The following CDC37 variants were observed in gnomAD, a reference collection of about 807,000 sequenced individuals.
CDC37 encodes the protein hsp90 co-chaperone Cdc37.
Under a neutral mutation model 46.9 loss-of-function variants are expected in CDC37, and 9 were observed. That is an observed-to-expected ratio of 0.19 (90% CI 0.12 to 0.33). CDC37 has a LOEUF of 0.33. Among genes scored for constraint, CDC37 ranks in the 10% least tolerant of loss-of-function variants. The pLI is 1.00. For missense variants in CDC37, 388 were observed against 514.6 expected, an observed-to-expected ratio of 0.75 and a Z score of 2.38; for synonymous variants, 193 against 191.0, an observed-to-expected ratio of 1.01 and a Z score of -0.09.
intron 1 of CDC37, among the ~76,000 whole-genome samples, chr19:10,399,931 T>TA (rs56162717): frequency 0.011 from 544 of 48,282 alleles, 19 homozygotes; most frequent in Middle Eastern, 0.014. Flanking sequence ...GACTCCGTCT[T>TA]AAAAAAAAAA....
chr19:10,391,435 C>A lies in CDC37; in HGVS notation c.*116G>T. Reference sequence around the variant, plus strand: ...GGGAGGGCTGGGCGGGCCCCCCAGGCTGGGCCGAGCAGCGCAAGTAGAGGA... The same window carrying A: ...GGGAGGGCTGGGCGGGCCCCCCAGGATGGGCCGAGCAGCGCAAGTAGAGGA... On this transcript the variant is annotated 3_prime_UTR_variant, in exon 8 of 8. Coordinates refer to ENST00000222005, the MANE Select transcript of CDC37 (RefSeq NM_007065.4). The A allele has an allele frequency of 3.0e-6, 4 of 1,327,300 alleles. No homozygotes were observed. The highest frequency in any genetic ancestry group is 3.2e-6 in the Non-Finnish European group (3 of 927,970). The allele number at this position is 1,327,300 out of a possible 1,614,324, so 82.2% of individuals were successfully genotyped here.
At chr19:10,391,746 C>T in intron 7 of CDC37, 40 bp from the exon 8 acceptor site, 1 of 1,601,888 alleles carries the variant, frequency 6.2e-7, no homozygotes, top group Non-Finnish European at 8.5e-7. Context: ...GGGCCGCCAG[C>T]CGGTGGTCCC....
rs938946002 is a variant in CDC37, at chr19:10,398,072, G to T, written c.103-1869C>A. On this transcript the variant is annotated intron_variant, in intron 1 of 7. Transcript: ENST00000222005. The surrounding 1 kb of genome is among the most constrained non-coding windows in gnomAD (Gnocchi z 4.2). ...ATCAAACCCTGAAACCCTGAAACGT[G>T]CCACCACCTTCAATTGCTGACCCTC... Among the ~76,000 whole-genome samples the T allele has an allele frequency of 2.0e-5, 3 of 152,070 alleles. No individual in the cohort carries two copies. The highest frequency in any genetic ancestry group is 7.2e-5 in the African/African-American group (3 of 41,406).
chr19:10,400,847 A>T (rs1019159940), intron 1 of CDC37, among the ~76,000 whole-genome samples: 1 of 151,410 alleles, frequency 6.6e-6, no homozygotes, highest in Non-Finnish European at 1.5e-5. Context: ...TTTTTTTTTA[A>T]CCATGAACAG....
In CDC37 at chr19:10,395,228, C is replaced by A. The variant is rs375165732; in HGVS notation, c.603G>T (p.Glu201Asp). The change falls in exon 4 of 8, where the codon GAG becomes GAT. Residue 201 changes from glutamate (E) to aspartate (D), a missense_variant and splice_region_variant. Around this residue, in one of 2 missense-constraint regions of CDC37, gnomAD observed 374 missense variants for 467.4 expected, o/e 0.80. Coordinates refer to ENST00000222005, the MANE Select transcript of CDC37 (RefSeq NM_007065.4). Reference sequence around the variant, plus strand: ...CAGTCCCGGGGAAAGCTCCACTCACCTCCTCCACCTCTAGGTCAATGCACC... The same window carrying A: ...CAGTCCCGGGGAAAGCTCCACTCACATCCTCCACCTCTAGGTCAATGCACC... ...VIWCIDLEVEEKCALMEQVAH... is the reference protein window; with the variant it reads ...VIWCIDLEVEDKCALMEQVAH... The A allele has an allele frequency of 6.2e-6, 10 of 1,613,968 alleles. No homozygotes were observed. The African/African-American group carries it at 1.1e-4, about 17-fold the overall frequency.
chr19:10,403,264 A>C (rs2042529717), intron 1 of CDC37, 114 bp downstream of exon 1: 3 of 760,108 alleles, frequency 3.9e-6, no homozygotes, highest in Non-Finnish European at 6.6e-6. Flanking sequence ...GAAAATCCAG[A>C]CTGGGGGGGT....
intron 1 of CDC37, 59 bp downstream of exon 1, chr19:10,403,319 G>T: frequency 2.3e-6 from 3 of 1,300,284 alleles, no homozygotes; most frequent in African/African-American, 1.4e-5. Context: ...CAGTATCGGG[G>T]ATCACAACTC....
In CDC37 at chr19:10,396,132, C is replaced by G; in HGVS notation, c.174G>C (p.Lys58Asn). The change falls in exon 2 of 8, where the codon AAG (lysine) becomes AAC (asparagine). Residue 58 changes from lysine (K) to asparagine (N), a missense_variant. By Grantham distance (94) the Lys-to-Asn change is moderately conservative. This residue lies in a region of CDC37 where 374 missense variants were observed against 467.4 expected (regional missense o/e 0.80). Coordinates refer to ENST00000222005, the MANE Select transcript of CDC37 (RefSeq NM_007065.4). This position sits in a 1 kb window ranked among gnomAD's most constrained non-coding sequence, Gnocchi z 5.9. Reference protein sequence around the residue: ...EELDRGCRECKRKVAECQRKL... With the variant: ...EELDRGCRECNRKVAECQRKL... The stretch of plus-strand genomic sequence containing the variant: ...TCCTCTGGCACTCGGCCACCTTGCG[C>G]TTGCACTCGCGGCAGCCCCTGTCCA... 7 of 1,614,132 alleles carry G rather than the reference C, an allele frequency of 4.3e-6. No homozygotes were observed. Among genetic ancestry groups the G allele is most frequent in the Non-Finnish European group, 5.9e-6 (7 of 1,180,010 alleles).
rs2042502469 is a variant in CDC37, at chr19:10,398,393, T to C, written c.103-2190A>G. ...CCCTGCCTGAGGCACCACTGATCCC[T>C]AAAGGACCTCCTGTGACCATCTGAC... On this transcript the variant is annotated intron_variant, in intron 1 of 7. Coordinates refer to ENST00000222005, the MANE Select transcript of CDC37 (RefSeq NM_007065.4). The surrounding 1 kb of genome is among the most constrained non-coding windows in gnomAD (Gnocchi z 4.2). Among the ~76,000 whole-genome samples, 1 of 152,204 alleles carries C rather than the reference T, an allele frequency of 6.6e-6. No homozygotes were observed. The highest frequency in any genetic ancestry group is 2.4e-5 in the African/African-American group (1 of 41,456).
At chr19:10,395,385 C>G (rs931156064) in intron 3 of CDC37, 42 bp from the exon 4 acceptor site, 14 of 1,603,346 alleles carry the variant, frequency 8.7e-6, no homozygotes, top group Non-Finnish European at 1.2e-5. Flanking sequence ...GCCCTGGAGG[C>G]AAAGGGCCTG....
At chr19:10,402,533 C>T (rs1315289126) in intron 1 of CDC37, among the ~76,000 whole-genome samples, 3 of 152,108 alleles carry the variant, frequency 2.0e-5, no homozygotes, top group South Asian at 2.1e-4. Flanking sequence ...TACAGGAAGC[C>T]AGTCTGGGAA....
chr19:10,398,947 A>G lies in CDC37; in HGVS notation c.103-2744T>C, dbSNP rs2042504707. 6.6e-6 allele frequency among the ~76,000 whole-genome samples: 1 copy of G among 152,088 alleles called. No individual in the cohort carries two copies. Among genetic ancestry groups the G allele is most frequent in the African/African-American group, 2.4e-5 (1 of 41,422 alleles). ...CCGTGAGAACTGAATGACTAACTCT[A>G]TGGAAAATGCTTCCAAAACAGCCCT... is the stretch of plus-strand genomic sequence containing the variant. On this transcript the variant is annotated intron_variant, in intron 1 of 7. Coordinates refer to ENST00000222005, the MANE Select transcript of CDC37 (RefSeq NM_007065.4). The surrounding 1 kb of genome is among the most constrained non-coding windows in gnomAD (Gnocchi z 4.2).
chr19:10,395,576 G>A (rs774998656), intron 2 of CDC37, 33 bp from the exon 3 acceptor site: 3 of 1,544,860 alleles, frequency 1.9e-6, no homozygotes, highest in South Asian at 1.1e-5. Context: ...GTGGGCTGGG[G>A]CAAGGCTGCG....
rs143134175 is a variant in CDC37 at position 10,393,321 on chromosome 19, G to A, written c.847C>T (p.Arg283Cys). Reference sequence around the variant, plus strand: ...CCGCCGGGGCCGAGCCGCTTCTTGCGCTCCTCCTCCTCGTACTCCTTCATG... The same window carrying A: ...CCGCCGGGGCCGAGCCGCTTCTTGCACTCCTCCTCCTCGTACTCCTTCATG... ...KAMKEYEEEERKKRLGPGGLD... is the reference protein window; with the variant it reads ...KAMKEYEEEECKKRLGPGGLD... Residue 283 changes from arginine (R) to cysteine (C), a missense_variant, in exon 6 of 8, where the codon CGC becomes TGC. Arg to Cys is a radical substitution (Grantham distance 180, BLOSUM62 -3). This residue lies in a region of CDC37 where 374 missense variants were observed against 467.4 expected (regional missense o/e 0.80). Transcript: ENST00000222005. The surrounding 1 kb of genome is among the most constrained non-coding windows in gnomAD (Gnocchi z 4.9). The A allele has an allele frequency of 5.6e-6, 9 of 1,614,022 alleles. No homozygotes were observed. Among genetic ancestry groups the A allele is most frequent in the South Asian group, 2.2e-5 (2 of 91,088 alleles).
chr19:10,391,285 T>C lies in CDC37; in HGVS notation c.*266A>G. The C allele has an allele frequency of 2.0e-6, 1 of 490,810 alleles. No individual in the cohort carries two copies. The highest frequency in any genetic ancestry group is 2.3e-5 in the South Asian group (1 of 42,714). The allele number at this position is 490,810 out of a possible 1,614,324, so 30.4% of individuals were successfully genotyped here. On this transcript the variant is annotated 3_prime_UTR_variant, in exon 8 of 8. Coordinates refer to ENST00000222005, the MANE Select transcript of CDC37 (RefSeq NM_007065.4). ...TACCTGGTAGACCAGCCTGGTGACC[T>C]CTGCCCTTCCCCGGACCCCCGGGCC...
At chr19:10,401,062 C>A (rs918112690) in intron 1 of CDC37, among the ~76,000 whole-genome samples, 3 of 152,212 alleles carry the variant, frequency 2.0e-5, no homozygotes, top group African/African-American at 7.2e-5. Flanking sequence ...AGATTTGAAC[C>A]TAGTCAGGCC....
In CDC37 at chr19:10,393,779, C is replaced by A; in HGVS notation, c.727-338G>T. Reference sequence around the variant, plus strand: ...CTCGGTAAGGATAGCCCTGTTCCTCCAGGTACGCAGGTTAAAAATCCTAGA... The same window carrying A: ...CTCGGTAAGGATAGCCCTGTTCCTCAAGGTACGCAGGTTAAAAATCCTAGA... On this transcript the variant is annotated intron_variant, in intron 5 of 7. Coordinates refer to ENST00000222005, the MANE Select transcript of CDC37 (RefSeq NM_007065.4). The surrounding 1 kb of genome is among the most constrained non-coding windows in gnomAD (Gnocchi z 4.9). 1 of 247,448 alleles carries A rather than the reference C, an allele frequency of 4.0e-6. No individual in the cohort carries two copies. The highest frequency in any genetic ancestry group is 7.9e-5 in the East Asian group (1 of 12,696). 15.3% of individuals were successfully genotyped at this position (247,448 alleles called of 1,614,324 possible).
At chr19:10,394,013 C>A (rs765650327) in intron 5 of CDC37, among the ~76,000 whole-genome samples, 4 of 152,126 alleles carry the variant, frequency 2.6e-5, no homozygotes, top group Non-Finnish European at 4.4e-5. Flanking sequence ...TCGCTTGAAC[C>A]CAGGAGGCGG....
At chr19:10,397,983 C>A (rs1034438120) in intron 1 of CDC37, among the ~76,000 whole-genome samples, 30 of 152,152 alleles carry the variant, frequency 2.0e-4, no homozygotes, top group African/African-American at 7.0e-4. Flanking sequence ...TCCTGAGACC[C>A]CTGCGTGGCT....
Sources: gnomAD v4.1 joint callset for allele counts (sites outside exome capture counted in the v4.1 genomes callset) on GRCh38, gnomAD v4.1.1 for gene constraint, gnomAD v4.1.1 regional missense constraint, Gnocchi (gnomAD v3.1) non-coding constraint, MANE v1.5 for transcripts, NCBI Gene and HGNC (gene_info 2026-07-23, HGNC 2026-07-21) for gene names.